Variants in TNK2 observed in about 807,000 individuals in gnomAD.
TNK2 encodes tyrosine kinase non receptor 2, also known as activated CDC42 kinase 1.
In TNK2, 83 loss-of-function variants were observed where a neutral mutation model predicts 101.8. The ratio of observed to expected loss-of-function variants is 0.82; its 90% CI spans 0.68 to 0.98. The LOEUF (loss-of-function observed/expected upper bound fraction) is 0.98. Ranked by LOEUF, TNK2 falls within the 50% of genes least tolerant of loss-of-function variation. TNK2 has a pLI of 0.00. For synonymous variants in TNK2, 804 were observed against 633.0 expected (o/e 1.27, Z -4.06); for missense variants, 1,665 against 1,483.2 (o/e 1.12, Z -2.01).
intron 1 of TNK2, among the ~76,000 whole-genome samples, chr3:195,897,828 C>G (rs1231226824): frequency 8.6e-6 from 1 of 116,580 alleles, no homozygotes; most frequent in African/African-American, 3.2e-5. Context: ...ACCCCCCCCC[C>G]ACCCCCCGCC....
intron 9 of TNK2, chr3:195,872,783 C>G (rs1746343503): frequency 6.2e-6 from 2 of 323,176 alleles, no homozygotes; most frequent in African/African-American, 4.4e-5. Context: ...CCAGAAAGAT[C>G]CCAGCAGACC....
chr3:195,888,036 G>A lies in TNK2; in HGVS notation c.163+390C>T, dbSNP rs765317485. On this transcript the variant is annotated intron_variant, in intron 2 of 15. Coordinates refer to ENST00000672887, the MANE Select transcript of TNK2 (RefSeq NM_001382273.1). This position sits in a 1 kb window ranked among gnomAD's most constrained non-coding sequence, Gnocchi z 5.3. ...AGAGCAAGAAAGAGAGCGTGAGCAC[G>A]AATCAGCAAACCATCTGAGAGTTAG... Among the ~76,000 whole-genome samples, 16 of 152,086 alleles carry A rather than the reference G, an allele frequency of 1.1e-4. No individual in the cohort carries two copies. The highest frequency in any genetic ancestry group is 2.1e-4 in the South Asian group (1 of 4,824).
chr3:195,891,367 T>G (rs1469082106), intron 1 of TNK2, among the ~76,000 whole-genome samples: 1 of 152,212 alleles, frequency 6.6e-6, no homozygotes, highest in Non-Finnish European at 1.5e-5. Flanking sequence ...GATCGTGCCA[T>G]TGCACTCCAG....
chr3:195,871,352 C>A (rs545058117), intron 10 of TNK2, among the ~76,000 whole-genome samples: 32 of 152,278 alleles, frequency 2.1e-4, no homozygotes, highest in African/African-American at 6.7e-4. Context: ...GGAGCTGCCA[C>A]CTAACGTTCC....
In TNK2 at chr3:195,878,406, C is replaced by T. The variant is rs890784424; in HGVS notation, c.1161+40G>A. On this transcript the variant is annotated intron_variant, in intron 8 of 15. Coordinates refer to ENST00000672887, the MANE Select transcript of TNK2 (RefSeq NM_001382273.1). The surrounding 1 kb of genome is among the most constrained non-coding windows in gnomAD (Gnocchi z 4.7). ...GACTGACGCCTGGGTAGCCCCTCAGCTTGAACACCCCAGCTCTCCTGGGCT... is the reference window on the plus strand; with the variant it reads ...GACTGACGCCTGGGTAGCCCCTCAGTTTGAACACCCCAGCTCTCCTGGGCT... The T allele has an allele frequency of 6.2e-7, 1 of 1,613,870 alleles. No homozygotes were observed. The highest frequency in any genetic ancestry group is 1.1e-5 in the South Asian group (1 of 91,084).
intron 1 of TNK2, among the ~76,000 whole-genome samples, chr3:195,905,286 G>A (rs1761610391): frequency 1.3e-5 from 2 of 152,120 alleles, no homozygotes; most frequent in South Asian, 4.1e-4. Context: ...TGCAACCTCC[G>A]CCTCCCGGGT....
At position 195,879,067 on chromosome 3, in the gene TNK2, G is replaced by A. The variant is rs368042289; in HGVS notation, c.996C>T (p.Ile332=). The part of the protein sequence containing the change: ...EMFTYGQEPW[I]GLNGSQILHK... ...CCCTCACCTGACTGCCGTTGAGGCC[G>A]ATCCAGGGCTCCTGGCCGTAGGTGA... is the stretch of plus-strand genomic sequence containing the variant. The change falls in exon 7 of 16, where the codon ATC becomes ATT. Residue 332 remains isoleucine, a synonymous_variant. Transcript: ENST00000672887. 7.4e-5 allele frequency: 119 copies of A among 1,613,532 alleles called. No homozygotes were observed. Among genetic ancestry groups the A allele is most frequent in the Middle Eastern group, 1.6e-4 (1 of 6,082 alleles).
rs1027498701 is a variant in TNK2, at chr3:195,882,791, G to A, written c.609+366C>T. ...GAATATCGCGTGAACCCAGGAGGCC[G>A]AGGTTGCAGTGAGCCTAGATCATGC... On this transcript the variant is annotated intron_variant, in intron 5 of 15. Transcript: ENST00000672887. The surrounding 1 kb of genome is among the most constrained non-coding windows in gnomAD (Gnocchi z 4.2). Among the ~76,000 whole-genome samples the A allele has an allele frequency of 3.3e-5, 5 of 152,192 alleles. No individual in the cohort carries two copies. The highest frequency in any genetic ancestry group is 2.1e-4 in the South Asian group (1 of 4,830).
rs1741869867 is a variant in TNK2, at chr3:195,867,728, G to C, written c.2570C>G (p.Pro857Arg). 1 of 1,604,568 alleles carries C rather than the reference G, an allele frequency of 6.2e-7. No homozygotes were observed. The highest frequency in any genetic ancestry group is 8.5e-7 in the Non-Finnish European group (1 of 1,176,568). ...VIQAPGPRAG[P>R]CILPIVRDGK... ...ATCCCGGACGATGGGCAGGATGCAG[G>C]GACCAGCCCGCGGGCCAGGGGCCTG... is the stretch of plus-strand genomic sequence containing the variant. Residue 857 changes from proline (P) to arginine (R), a missense_variant, in exon 13 of 16, where the codon CCC becomes CGC. This residue lies in a region of TNK2 where 1,136 missense variants were observed against 894.9 expected (regional missense o/e 1.27). Coordinates refer to ENST00000672887, the MANE Select transcript of TNK2 (RefSeq NM_001382273.1).
chr3:195,884,232 T>C (rs903419422), intron 4 of TNK2: 3 of 152,216 alleles, frequency 2.0e-5, no homozygotes, highest in African/African-American at 4.8e-5. Context: ...AGGAAGAGGC[T>C]CGGCTTCCTC....
intron 1 of TNK2, among the ~76,000 whole-genome samples, chr3:195,905,705 C>G (rs1761647731): frequency 6.6e-6 from 1 of 152,026 alleles, no homozygotes; most frequent in Non-Finnish European, 1.5e-5. Flanking sequence ...CAAGAAAATA[C>G]AGGGGAAAAC....
At chr3:195,873,200 A>C (rs2149348551) in intron 9 of TNK2, among the ~76,000 whole-genome samples, 1 of 152,278 alleles carries the variant, frequency 6.6e-6, no homozygotes, top group African/African-American at 2.4e-5. Context: ...ACCAGACAGT[A>C]GGGCTGCCAG....
intron 2 of TNK2, among the ~76,000 whole-genome samples, chr3:195,887,944 G>A (rs867216587): frequency 3.8e-5 from 4 of 105,456 alleles, no homozygotes; most frequent in Non-Finnish European, 7.5e-5. Context: ...GCGCATGTGC[G>A]TGTGTGCCTG....
At position 195,867,412 on chromosome 3, in the gene TNK2, G is replaced by T; in HGVS notation, c.2886C>A (p.Gly962=). The change falls in exon 13 of 16, where the codon GGC becomes GGA. Residue 962 remains glycine, a synonymous_variant. Coordinates refer to ENST00000672887, the MANE Select transcript of TNK2 (RefSeq NM_001382273.1). Reference sequence around the variant, plus strand: ...CCGCCTCTGGCCCATCGCCAGGGCAGCCCCTCTGTGGCAGCCGAGCAGTGG... The same window carrying T: ...CCGCCTCTGGCCCATCGCCAGGGCATCCCCTCTGTGGCAGCCGAGCAGTGG... The part of the protein sequence containing the change: ...PRATARLPQR[G]CPGDGPEAGR... The T allele has an allele frequency of 6.2e-7, 1 of 1,603,780 alleles. No individual in the cohort carries two copies. Among genetic ancestry groups the T allele is most frequent in the Non-Finnish European group, 8.5e-7 (1 of 1,178,266 alleles).
intron 1 of TNK2, chr3:195,892,651 C>A: frequency 7.0e-7 from 1 of 1,418,546 alleles, no homozygotes; most frequent in Non-Finnish European, 9.2e-7. Context: ...CGCTGGGTTT[C>A]CACAGCTGGC....
chr3:195,892,663 G>A (rs1050384353), intron 1 of TNK2: 170 of 1,381,870 alleles, frequency 1.2e-4, no homozygotes, highest in Non-Finnish European at 1.4e-4. Flanking sequence ...ACAGCTGGCC[G>A]GTCTGGCAGG....
At chr3:195,905,259 G>A (rs7355913) in intron 1 of TNK2, among the ~76,000 whole-genome samples, 18,092 of 152,054 alleles carry the variant, frequency 0.12, 1,457 homozygotes, top group East Asian at 0.39. Flanking sequence ...GAATGCAGTG[G>A]CGCAATCTTG....
chr3:195,864,141 T>C lies in TNK2; in HGVS notation c.*40A>G, dbSNP rs766742757. 2 of 1,613,648 alleles carry C rather than the reference T, an allele frequency of 1.2e-6. No individual in the cohort carries two copies. The highest frequency in any genetic ancestry group is 1.7e-6 in the Non-Finnish European group (2 of 1,179,748). On this transcript the variant is annotated 3_prime_UTR_variant, in exon 16 of 16. Coordinates refer to ENST00000672887, the MANE Select transcript of TNK2 (RefSeq NM_001382273.1). ...CTCCTGGTGGACGGACAGGCTCAGG[T>C]GATTCCTTCAGGCAGGCCCTCTGGC...
Position 195,867,626 on chromosome 3 carries a change from AG to A in TNK2, c.2671del (p.Leu891CysfsTer97). On this transcript the variant is annotated frameshift_variant, in exon 13 of 16. Coordinates refer to ENST00000672887, the MANE Select transcript of TNK2 (RefSeq NM_001382273.1). LOFTEE classifies it high-confidence loss of function. ...CTCCTCGGGGCTCTGGGCCTCACGC[AG>A]GAAGCGCTGGTAGCGCTCCAGGTAG... is the stretch of plus-strand genomic sequence containing the variant. ...PSYLERYQRF[L>X]REAQSPEEPT... 6.2e-7 allele frequency: 1 copy of A among 1,600,216 alleles called. No individual in the cohort carries two copies. The highest frequency in any genetic ancestry group is 8.5e-7 in the Non-Finnish European group (1 of 1,179,344).
Sources: gnomAD v4.1 joint callset for allele counts (sites outside exome capture counted in the v4.1 genomes callset) on GRCh38, gnomAD v4.1.1 for gene constraint, gnomAD v4.1.1 regional missense constraint, Gnocchi (gnomAD v3.1) non-coding constraint, MANE v1.5 for transcripts, NCBI Gene and HGNC (gene_info 2026-07-23, HGNC 2026-07-21) for gene names.